Variants in HECW1 observed in about 807,000 individuals in gnomAD.
HECW1 encodes the protein E3 ubiquitin-protein ligase HECW1.
In HECW1, 61 loss-of-function variants were observed where a neutral mutation model predicts 182.3. The ratio of observed to expected loss-of-function variants is 0.33; its 90% CI spans 0.27 to 0.41. The LOEUF (loss-of-function observed/expected upper bound fraction) is 0.41. Ranked by LOEUF, HECW1 falls within the 10% of genes least tolerant of loss-of-function variation. The pLI is 1.00. For synonymous variants in HECW1, 859 were observed against 832.6 expected (o/e 1.03, Z -0.55); for missense variants, 1,739 against 2,108.9 (o/e 0.82, Z 3.44).
At chr7:43,294,328 C>T (rs1366829846) in intron 3 of HECW1, among the ~76,000 whole-genome samples, 1 of 152,124 alleles carries the variant, frequency 6.6e-6, no homozygotes, top group African/African-American at 2.4e-5. Context: ...GGAAGATCTC[C>T]AAGACAATGG....
intron 21 of HECW1, among the ~76,000 whole-genome samples, chr7:43,503,342 AC>A (rs1173269245): frequency 2.0e-5 from 3 of 152,328 alleles, no homozygotes; most frequent in African/African-American, 7.2e-5. Context: ...AAGCTGTAGG[AC>A]TGCATGATGG....
chr7:43,200,015 A>G (rs1794884892), intron 2 of HECW1, among the ~76,000 whole-genome samples: 1 of 152,220 alleles, frequency 6.6e-6, no homozygotes, highest in Non-Finnish European at 1.5e-5. Context: ...GCGTCGCTCA[A>G]TTTTTATAAA....
chr7:43,166,865 C>A (rs1200706355), intron 2 of HECW1, among the ~76,000 whole-genome samples: 2 of 152,198 alleles, frequency 1.3e-5, no homozygotes, highest in South Asian at 4.1e-4. Flanking sequence ...CATGGCTGGT[C>A]ATGGGTGATG....
At chr7:43,306,417 G>A (rs2079263) in intron 3 of HECW1, among the ~76,000 whole-genome samples, 40,301 of 151,092 alleles carry the variant, frequency 0.27, 5,702 homozygotes, top group East Asian at 0.51. Context: ...ACCTGGTGGC[G>A]TAACAAAGCC....
At chr7:43,394,714 C>T (rs1352161238) in intron 6 of HECW1, among the ~76,000 whole-genome samples, 2 of 152,160 alleles carry the variant, frequency 1.3e-5, no homozygotes, top group African/African-American at 2.4e-5. Flanking sequence ...ACTGTAACTG[C>T]CCAAAGGGTT....
chr7:43,159,861 A>G (rs965249843), intron 2 of HECW1, among the ~76,000 whole-genome samples: 7 of 151,988 alleles, frequency 4.6e-5, no homozygotes, highest in African/African-American at 1.7e-4. Flanking sequence ...TTGTATTTTC[A>G]GTAAAGACAG....
intron 16 of HECW1, among the ~76,000 whole-genome samples, chr7:43,478,553 T>G (rs1273953826): frequency 2.0e-5 from 3 of 152,160 alleles, no homozygotes; most frequent in Non-Finnish European, 4.4e-5. Flanking sequence ...AATTCTCCAT[T>G]AAAAGAATAT....
At chr7:43,164,462 G>A (rs1427482292) in intron 2 of HECW1, among the ~76,000 whole-genome samples, 2 of 152,340 alleles carry the variant, frequency 1.3e-5, no homozygotes, top group South Asian at 4.1e-4. Context: ...GCACCAGGGT[G>A]TCCTCTGGAT....
chr7:43,436,185 A>AG (rs1421746733), intron 8 of HECW1, among the ~76,000 whole-genome samples: 3 of 150,716 alleles, frequency 2.0e-5, no homozygotes, highest in Non-Finnish European at 3.0e-5. Flanking sequence ...AAAAAAAAAA[A>AG]GGATTGCTGT....
At chr7:43,307,899 C>T (rs367876671) in intron 3 of HECW1, among the ~76,000 whole-genome samples, 23,950 of 123,820 alleles carry the variant, frequency 0.19, 2,886 homozygotes, top group Non-Finnish European at 0.26. Flanking sequence ...TATATATACA[C>T]ATATATATAT....
chr7:43,199,717 T>C (rs180724777), intron 2 of HECW1, among the ~76,000 whole-genome samples: 2 of 152,288 alleles, frequency 1.3e-5, no homozygotes, highest in Admixed American at 1.3e-4. Flanking sequence ...ATATTTTTAG[T>C]AGAAAAAAAT....
At chr7:43,399,559 C>T (rs1225062905) in intron 7 of HECW1, among the ~76,000 whole-genome samples, 2 of 152,198 alleles carry the variant, frequency 1.3e-5, no homozygotes, top group African/African-American at 4.8e-5. Context: ...GAATGCCATG[C>T]ATGGTGAGCA....
chr7:43,322,786 C>T (rs549039636), intron 5 of HECW1, among the ~76,000 whole-genome samples: 22 of 152,256 alleles, frequency 1.4e-4, no homozygotes, highest in African/African-American at 5.3e-4. Flanking sequence ...GTGCACAAAC[C>T]TACAATGGAA....
At chr7:43,464,368 A>G (rs2077688074) in intron 14 of HECW1, among the ~76,000 whole-genome samples, 1 of 152,180 alleles carries the variant, frequency 6.6e-6, no homozygotes, top group South Asian at 2.1e-4. Context: ...AGCATGCCAC[A>G]GGAGGGAATT....
chr7:43,464,726 A>G (rs1163652252), intron 14 of HECW1, among the ~76,000 whole-genome samples: 1 of 152,178 alleles, frequency 6.6e-6, no homozygotes, highest in Non-Finnish European at 1.5e-5. Flanking sequence ...CCACAGTTCC[A>G]CCACCAATTT....
intron 6 of HECW1, chr7:43,396,609 C>T: frequency 2.1e-6 from 1 of 478,802 alleles, no homozygotes; most frequent in Non-Finnish European, 3.8e-6. Context: ...GAAAAGTACC[C>T]ATCACCCCCA....
At position 43,281,311 on chromosome 7, in the gene HECW1, G is replaced by A. The variant is rs144522346; in HGVS notation, c.28-30452G>A. 2.3e-3 allele frequency among the ~76,000 whole-genome samples: 347 copies of A among 152,236 alleles called. 1 individual carries two copies. Among genetic ancestry groups the A allele is most frequent in the Non-Finnish European group, 3.9e-3 (267 of 68,024 alleles). ...TCCTGCAGACTGAGCCCCTCTCTGC[G>A]ACTTGTTGCACCAGGCTCTCCACAG... On this transcript the variant is annotated intron_variant, in intron 3 of 29. Transcript: ENST00000395891.
At chr7:43,139,567 G>A (rs889720828) in intron 2 of HECW1, among the ~76,000 whole-genome samples, 8 of 152,014 alleles carry the variant, frequency 5.3e-5, no homozygotes, top group African/African-American at 9.7e-5. Context: ...TTAACAAGGC[G>A]TTTTCACATG....
chr7:43,256,315 A>G (rs1339034609), intron 3 of HECW1, among the ~76,000 whole-genome samples: 1 of 152,228 alleles, frequency 6.6e-6, no homozygotes, highest in Non-Finnish European at 1.5e-5. Context: ...AAAACATAGT[A>G]AAGATGAACA....
Sources: allele counts gnomAD v4.1 joint callset (sites outside exome capture counted in the v4.1 genomes callset), GRCh38; gene constraint gnomAD v4.1.1; transcripts MANE v1.5; gene names NCBI Gene and HGNC (gene_info 2026-07-23, HGNC 2026-07-21).